Variants in ADK observed in about 807,000 individuals in gnomAD.
The protein encoded by ADK is N6,N6-dimethyladenosine kinase.
Under a neutral mutation model 44.7 loss-of-function variants are expected in ADK, and 24 were observed. That is an observed-to-expected ratio of 0.54 (90% confidence interval 0.39 to 0.76). The LOEUF (loss-of-function observed/expected upper bound fraction) is 0.76. Ranked by LOEUF, ADK falls within the 30% of genes least tolerant of loss-of-function variation. The pLI is 0.00. For synonymous variants in ADK, 128 were observed against 142.6 expected, an observed-to-expected ratio of 0.90 and a Z score of 0.73; for missense variants, 321 against 425.1, an observed-to-expected ratio of 0.76 and a Z score of 2.15.
chr10:74,708,534 C>G lies in ADK; in HGVS notation c.*89C>G, dbSNP rs1856686357. 3.4e-6 allele frequency: 5 copies of G among 1,461,970 alleles called. No individual in the cohort carries two copies. The highest frequency in any genetic ancestry group is 3.8e-5 in the Admixed American group (2 of 52,370). The allele number at this position is 1,461,970 out of a possible 1,614,324, so 90.6% of individuals were successfully genotyped here. ...CCATATTAATAAAGAAGAAAATTAT[C>G]TGCCATTTTTTCCTACTATAATAAT... On this transcript the variant is annotated 3_prime_UTR_variant, in exon 11 of 11. Transcript: ENST00000539909.
At chr10:74,368,204 T>G (rs1842552624) in intron 4 of ADK, among the ~76,000 whole-genome samples, 1 of 152,116 alleles carries the variant, frequency 6.6e-6, no homozygotes, top group Non-Finnish European at 1.5e-5. Flanking sequence ...TCACTGCAGT[T>G]TTGACCTCCT....
At chr10:74,513,573 C>T (rs369757961) in intron 6 of ADK, among the ~76,000 whole-genome samples, 31 of 152,068 alleles carry the variant, frequency 2.0e-4, no homozygotes, top group African/African-American at 7.5e-4. Context: ...TTTTAGTTTC[C>T]ATTTGCACTG....
intron 6 of ADK, among the ~76,000 whole-genome samples, chr10:74,413,624 A>G (rs1461879731): frequency 2.6e-5 from 4 of 152,372 alleles, no homozygotes; most frequent in African/African-American, 7.2e-5. Context: ...TATACAGACC[A>G]GTAAAACTTT....
intron 9 of ADK, among the ~76,000 whole-genome samples, chr10:74,638,815 GT>G (rs959664105): frequency 1.3e-5 from 2 of 151,862 alleles, no homozygotes; most frequent in African/African-American, 4.8e-5. Flanking sequence ...GTTTTTGTTT[GT>G]TTTTTTGAGA....
At chr10:74,549,994 G>A (rs1171579534) in intron 7 of ADK, among the ~76,000 whole-genome samples, 1 of 151,982 alleles carries the variant, frequency 6.6e-6, no homozygotes, top group East Asian at 1.9e-4. Context: ...ATTAGGTCGG[G>A]GATAGATGTC....
rs1855140443 is a variant in ADK, at chr10:74,670,771, C to T, written c.964+502C>T. Among the ~76,000 whole-genome samples, 3 of 152,112 alleles carry T rather than the reference C, an allele frequency of 2.0e-5. No individual in the cohort carries two copies. The South Asian group carries it at 6.2e-4, about 32-fold the overall frequency. ...TTGCCTATTTTTGGCTCAATAAGAA[C>T]TGGCAAATTTTATGTGAACTAATGA... On this transcript the variant is annotated intron_variant, in intron 10 of 10. Coordinates refer to ENST00000539909, the MANE Select transcript of ADK (RefSeq NM_006721.4).
At chr10:74,609,312 G>A (rs1490896971) in intron 9 of ADK, among the ~76,000 whole-genome samples, 1 of 152,138 alleles carries the variant, frequency 6.6e-6, no homozygotes, top group Non-Finnish European at 1.5e-5. Context: ...AGCTAGCTTG[G>A]TGTCTGCCCA....
chr10:74,469,210 G>A (rs944396058), intron 6 of ADK, among the ~76,000 whole-genome samples: 23 of 152,020 alleles, frequency 1.5e-4, no homozygotes, highest in Admixed American at 6.6e-5. Flanking sequence ...ATGATAGTGC[G>A]CACTTGTAGT....
chr10:74,406,765 C>T (rs1308178896), intron 6 of ADK, among the ~76,000 whole-genome samples: 1 of 151,972 alleles, frequency 6.6e-6, no homozygotes, highest in Non-Finnish European at 1.5e-5. Context: ...ACTGCAACCC[C>T]CGCCTCCTGG....
At chr10:74,174,036 C>T (rs1460085206) in intron 1 of ADK, among the ~76,000 whole-genome samples, 1 of 151,888 alleles carries the variant, frequency 6.6e-6, no homozygotes, top group African/African-American at 2.4e-5. Flanking sequence ...GGTGTGGTGG[C>T]TCATGCCTGT....
At chr10:74,373,163 T>C (rs1239360544) in intron 4 of ADK, among the ~76,000 whole-genome samples, 3 of 151,898 alleles carry the variant, frequency 2.0e-5, no homozygotes, top group Non-Finnish European at 2.9e-5. Context: ...ATGCAAAAAT[T>C]AACTCAAAAT....
intron 7 of ADK, among the ~76,000 whole-genome samples, chr10:74,561,063 A>G (rs1270571140): frequency 6.6e-6 from 1 of 152,242 alleles, no homozygotes; most frequent in Non-Finnish European, 1.5e-5. Context: ...TTCTGTGAGC[A>G]GTATTATCTG....
chr10:74,448,941 G>T (rs1345438504), intron 6 of ADK, among the ~76,000 whole-genome samples: 1 of 151,924 alleles, frequency 6.6e-6, no homozygotes, highest in African/African-American at 2.4e-5. Context: ...CTTTCCAAAT[G>T]TATTAGTATA....
chr10:74,274,041 A>G (rs1021579320), intron 3 of ADK, among the ~76,000 whole-genome samples: 6 of 151,900 alleles, frequency 3.9e-5, no homozygotes, highest in African/African-American at 1.5e-4. Flanking sequence ...TTTTTGACTC[A>G]AGATCAAACT....
chr10:74,319,717 G>A (rs1392358782), intron 4 of ADK, among the ~76,000 whole-genome samples: 1 of 151,892 alleles, frequency 6.6e-6, no homozygotes, highest in Admixed American at 6.6e-5. Context: ...GTTCTTTTTT[G>A]ATACCTTCTT....
At chr10:74,325,522 G>A (rs149987327) in intron 4 of ADK, among the ~76,000 whole-genome samples, 1 of 152,228 alleles carries the variant, frequency 6.6e-6, no homozygotes, top group African/African-American at 2.4e-5. Context: ...AGACTATGAT[G>A]AATAGAAATG....
At chr10:74,448,001 G>T (rs967831312) in intron 6 of ADK, among the ~76,000 whole-genome samples, 4 of 151,858 alleles carry the variant, frequency 2.6e-5, no homozygotes, top group Non-Finnish European at 5.9e-5. Flanking sequence ...TGGTGAAACC[G>T]CATCTCTACT....
intron 8 of ADK, among the ~76,000 whole-genome samples, chr10:74,598,597 C>T (rs955464985): frequency 3.3e-5 from 5 of 151,676 alleles, no homozygotes; most frequent in African/African-American, 4.8e-5. Flanking sequence ...ACTACAGACA[C>T]GTGCCACCAT....
intron 4 of ADK, among the ~76,000 whole-genome samples, chr10:74,360,535 A>G (rs1470312969): frequency 1.3e-5 from 2 of 152,036 alleles, no homozygotes; most frequent in African/African-American, 4.8e-5. Flanking sequence ...GCTCTTATGT[A>G]TTCACACTTG....
Sources: gnomAD v4.1 joint callset for allele counts (sites outside exome capture counted in the v4.1 genomes callset) on GRCh38, gnomAD v4.1.1 for gene constraint, MANE v1.5 for transcripts, NCBI Gene and HGNC (gene_info 2026-07-23, HGNC 2026-07-21) for gene names.